The following EEPD1 variants were observed in gnomAD, a reference collection of about 807,000 sequenced individuals.
EEPD1 encodes the protein endonuclease/exonuclease/phosphatase family domain-containing protein 1.
In EEPD1, 17 loss-of-function variants were observed where a neutral mutation model predicts 46.3. The ratio of observed to expected loss-of-function variants is 0.37; its 90% CI spans 0.25 to 0.55. The LOEUF (loss-of-function observed/expected upper bound fraction) is 0.55, where lower values mean the gene tolerates loss of function less well. EEPD1 is among the 20% of genes least tolerant of loss of function. The probability of loss-of-function intolerance (pLI) is 0.83; values close to 1 mark genes in which losing one functional copy is unlikely to be tolerated. For missense variants in EEPD1, 673 were observed against 745.6 expected (o/e 0.90, Z 1.13); for synonymous variants, 313 against 315.6 (o/e 0.99, Z 0.09).
At chr7:36,247,862 A>G (rs1017835074) in intron 3 of EEPD1, among the ~76,000 whole-genome samples, 2 of 152,206 alleles carry the variant, frequency 1.3e-5, no homozygotes, top group Non-Finnish European at 2.9e-5. Flanking sequence ...GTGATGGGGA[A>G]CCAATGCCCA....
intron 2 of EEPD1, among the ~76,000 whole-genome samples, chr7:36,201,515 G>T (rs753449307): frequency 3.3e-5 from 5 of 152,154 alleles, no homozygotes; most frequent in Admixed American, 6.5e-5. Context: ...CTCGGGGCAG[G>T]TCCCATTACC....
At chr7:36,210,869 T>A (rs1324714472) in intron 2 of EEPD1, among the ~76,000 whole-genome samples, 1 of 152,202 alleles carries the variant, frequency 6.6e-6, no homozygotes, top group Non-Finnish European at 1.5e-5. Context: ...TCTCCTCTAT[T>A]TTCATCTGAA....
intron 3 of EEPD1, among the ~76,000 whole-genome samples, chr7:36,261,714 G>A (rs1786928860): frequency 6.6e-6 from 1 of 152,154 alleles, no homozygotes; most frequent in Non-Finnish European, 1.5e-5. Flanking sequence ...CAATAGAAGG[G>A]CAGGCAGGTG....
intron 2 of EEPD1, among the ~76,000 whole-genome samples, chr7:36,160,606 G>A (rs1372082718): frequency 1.4e-5 from 2 of 144,786 alleles, no homozygotes; most frequent in African/African-American, 5.0e-5. Flanking sequence ...GCAGGAGGAG[G>A]CCACAGAAGG....
intron 5 of EEPD1, 97 bp downstream of exon 5, chr7:36,284,917 G>A (rs1436012123): frequency 1.5e-5 from 20 of 1,372,128 alleles, no homozygotes; most frequent in South Asian, 3.4e-5. Context: ...GAGAAGTCTC[G>A]TCTTTTTGCC....
intron 2 of EEPD1, among the ~76,000 whole-genome samples, chr7:36,237,608 A>C (rs1471522451): frequency 1.3e-5 from 2 of 152,232 alleles, no homozygotes; most frequent in East Asian, 3.8e-4. Context: ...ATTTGGGGCA[A>C]GTCTATAAAG....
At chr7:36,264,712 CCAAA>C (rs1352460334) in intron 3 of EEPD1, among the ~76,000 whole-genome samples, 1 of 152,138 alleles carries the variant, frequency 6.6e-6, no homozygotes, top group East Asian at 1.9e-4. Flanking sequence ...GAAACTAGCA[CCAAA>C]CAGTTTTTCT....
At chr7:36,171,101 T>C (rs771237942) in intron 2 of EEPD1, among the ~76,000 whole-genome samples, 5 of 152,130 alleles carry the variant, frequency 3.3e-5, no homozygotes, top group Non-Finnish European at 5.9e-5. Flanking sequence ...ATTATTTTTT[T>C]ATGTAGAGAG....
At chr7:36,274,294 G>A (rs1418498154) in intron 3 of EEPD1, among the ~76,000 whole-genome samples, 1 of 152,228 alleles carries the variant, frequency 6.6e-6, no homozygotes, top group African/African-American at 2.4e-5. Flanking sequence ...GCCCTAAGGA[G>A]AGCCAGGGCA....
chr7:36,300,300 C>T lies in EEPD1; in HGVS notation c.*1094C>T, dbSNP rs530650155. The T allele has an allele frequency of 2.0e-5, 3 of 152,318 alleles. No individual in the cohort carries two copies. The highest frequency in any genetic ancestry group is 2.9e-5 in the Non-Finnish European group (2 of 68,050). The allele number at this position is 152,318 out of a possible 1,614,324, so 9.4% of individuals were successfully genotyped here. On this transcript the variant is annotated 3_prime_UTR_variant, in exon 8 of 8. Transcript: ENST00000242108. The stretch of plus-strand genomic sequence containing the variant: ...GCCTGCCACTAGGCATCTGCATCCC[C>T]GAGCCCAAGCCAGGAGGGATTTCCC...
At chr7:36,199,269 T>C (rs1180834250) in intron 2 of EEPD1, among the ~76,000 whole-genome samples, 3 of 152,090 alleles carry the variant, frequency 2.0e-5, no homozygotes, top group Non-Finnish European at 4.4e-5. Context: ...GGAAACTGAG[T>C]TGACACAGTT....
rs1787620277 is a variant in EEPD1, at chr7:36,301,407, C to T, written c.*2201C>T. 1 of 152,258 alleles carries T rather than the reference C, an allele frequency of 6.6e-6. No individual in the cohort carries two copies. The highest frequency in any genetic ancestry group is 1.5e-5 in the Non-Finnish European group (1 of 68,044). 9.4% of individuals were successfully genotyped at this position (152,258 alleles called of 1,614,324 possible). On this transcript the variant is annotated 3_prime_UTR_variant, in exon 8 of 8. Transcript: ENST00000242108. Reference sequence around the variant, plus strand: ...ACAAAGGGATTCCCATATCCCTCCTCTTCTTTGCATATTTCCCCCTCTAAT... The same window carrying T: ...ACAAAGGGATTCCCATATCCCTCCTTTTCTTTGCATATTTCCCCCTCTAAT...
chr7:36,283,115 T>C (rs1221206832), intron 4 of EEPD1, among the ~76,000 whole-genome samples: 2 of 152,022 alleles, frequency 1.3e-5, no homozygotes, highest in African/African-American at 4.8e-5. Flanking sequence ...TAAGATGAAA[T>C]GATTTGCCCA....
rs370007109 is a variant in EEPD1, at chr7:36,297,093, G to A, written c.1416G>A (p.Ala472=). 25 of 1,614,046 alleles carry A rather than the reference G, an allele frequency of 1.5e-5. No homozygotes were observed. Among genetic ancestry groups the A allele is most frequent in the Admixed American group, 1.5e-4 (9 of 59,998 alleles). The change falls in exon 7 of 8, where the codon GCG becomes GCA. Residue 472 remains alanine (A), a synonymous_variant. Coordinates refer to ENST00000242108, the MANE Select transcript of EEPD1 (RefSeq NM_030636.3). ...RKEKFHHLIP[A]HTFTNISTKN... is the part of the protein sequence containing the mutation. ...AAAAGTTCCACCACCTGATCCCCGC[G>A]CACACCTTCACCAACATCAGCACCA...
intron 3 of EEPD1, among the ~76,000 whole-genome samples, chr7:36,250,331 T>C (rs1344127070): frequency 6.6e-6 from 1 of 152,220 alleles, no homozygotes; most frequent in African/African-American, 2.4e-5. Flanking sequence ...ACTTGGCAGC[T>C]GTGACTGGAG....
Position 36,299,382 on chromosome 7 carries a change from G to C in EEPD1, c.*176G>C. On this transcript the variant is annotated 3_prime_UTR_variant, in exon 8 of 8. Transcript: ENST00000242108. Reference sequence around the variant, plus strand: ...ACCATTCAGGACCTCCAGTGGGGGTGGCGTGCCAGGCGCGTACCCCACCAG... The same window carrying C: ...ACCATTCAGGACCTCCAGTGGGGGTCGCGTGCCAGGCGCGTACCCCACCAG... 2.6e-6 allele frequency: 2 copies of C among 768,452 alleles called. No homozygotes were observed. Among genetic ancestry groups the C allele is most frequent in the Non-Finnish European group, 4.1e-6 (2 of 490,852 alleles). 47.6% of individuals were successfully genotyped at this position (768,452 alleles called of 1,614,324 possible). A position where few individuals can be genotyped will look rare whatever the true frequency, so the allele number is the denominator to read the frequency against.
At chr7:36,286,596 G>T (rs1416787780) in intron 5 of EEPD1, among the ~76,000 whole-genome samples, 1 of 152,242 alleles carries the variant, frequency 6.6e-6, no homozygotes, top group Non-Finnish European at 1.5e-5. Context: ...CAGGGCTAGG[G>T]CATGTCCTAG....
intron 3 of EEPD1, among the ~76,000 whole-genome samples, chr7:36,242,768 CAA>C (rs34909516): frequency 0.11 from 9,663 of 85,334 alleles, 469 homozygotes; most frequent in East Asian, 0.2. Flanking sequence ...AATAAAAATA[CAA>C]AAAAAAAAAA....
In EEPD1 at chr7:36,193,660, G is replaced by A. The variant is rs548322667; in HGVS notation, c.878+38458G>A. Among the ~76,000 whole-genome samples the A allele has an allele frequency of 6.6e-6, 1 of 152,136 alleles. No homozygotes were observed. Among genetic ancestry groups the A allele is most frequent in the Non-Finnish European group, 1.5e-5 (1 of 68,018 alleles). ...AGATGGCCCTGCCTGTGGACACTGC[G>A]AGTATTGTTTGGCCTTCAGTGAGGG... On this transcript the variant is annotated intron_variant, in intron 2 of 7. Coordinates refer to ENST00000242108, the MANE Select transcript of EEPD1 (RefSeq NM_030636.3). The surrounding 1 kb of genome is among the most constrained non-coding windows in gnomAD (Gnocchi z 4.9).
Sources: allele counts gnomAD v4.1 joint callset (sites outside exome capture counted in the v4.1 genomes callset), GRCh38; gene constraint gnomAD v4.1.1; non-coding constraint Gnocchi (gnomAD v3.1); transcripts MANE v1.5; gene names NCBI Gene and HGNC (gene_info 2026-07-23, HGNC 2026-07-21).